The following ANKS1B variants were observed in gnomAD, a reference collection of about 807,000 sequenced individuals.
ANKS1B encodes ankyrin repeat and sterile alpha motif domain-containing protein 1B.
In ANKS1B, 36 loss-of-function variants were observed where a neutral mutation model predicts 148.3. That is an observed-to-expected ratio of 0.24 (90% CI 0.19 to 0.32). ANKS1B has a LOEUF of 0.32. Ranked by LOEUF, ANKS1B falls within the 10% of genes least tolerant of loss-of-function variation. ANKS1B has a pLI of 1.00. For synonymous variants in ANKS1B, 542 were observed against 560.8 expected, an observed-to-expected ratio of 0.97 and a Z score of 0.47; for missense variants, 1,157 against 1,542.6, an observed-to-expected ratio of 0.75 and a Z score of 4.19.
rs1252329651 is a variant in ANKS1B, at chr12:98,984,882, G to A, written c.2778+68275C>T. Reference sequence around the variant, plus strand: ...AAAAATTAGCTGGGCATGGTGGTGTGTGCCTATAGTCTCAGCTACCTGGGA... The same window carrying A: ...AAAAATTAGCTGGGCATGGTGGTGTATGCCTATAGTCTCAGCTACCTGGGA... On this transcript the variant is annotated intron_variant, in intron 17 of 26. Transcript: ENST00000683438. Among the ~76,000 whole-genome samples, 6 of 152,082 alleles carry A rather than the reference G, an allele frequency of 3.9e-5. No individual in the cohort carries two copies. In the East Asian group the frequency reaches 1.2e-3, roughly 29 times the overall value.
At chr12:99,191,794 T>C (rs1472772493) in intron 14 of ANKS1B, among the ~76,000 whole-genome samples, 2 of 152,126 alleles carry the variant, frequency 1.3e-5, no homozygotes, top group Non-Finnish European at 2.9e-5. Context: ...TATACCTATG[T>C]AACAAACCTG....
chr12:99,508,828 T>C (rs1234509987), intron 9 of ANKS1B, among the ~76,000 whole-genome samples: 1 of 151,888 alleles, frequency 6.6e-6, no homozygotes, highest in East Asian at 1.9e-4. Context: ...CATATATATG[T>C]CTATTCTAGT....
chr12:98,895,816 C>A (rs200783), intron 17 of ANKS1B, among the ~76,000 whole-genome samples: 24,357 of 152,150 alleles, frequency 0.16, 2,256 homozygotes, highest in Non-Finnish European at 0.21. Context: ...TTTTTCCCCC[C>A]AAAAATTATG....
intron 12 of ANKS1B, among the ~76,000 whole-genome samples, chr12:99,287,236 G>A (rs946313140): frequency 6.6e-6 from 1 of 152,178 alleles, no homozygotes; most frequent in African/African-American, 2.4e-5. Context: ...GGAGGAAAGC[G>A]AGAGAAGAGA....
chr12:98,797,790 GTAA>G (rs1441977026), intron 22 of ANKS1B, among the ~76,000 whole-genome samples: 2 of 152,122 alleles, frequency 1.3e-5, no homozygotes, highest in Non-Finnish European at 2.9e-5. Flanking sequence ...CTGTTTCAGT[GTAA>G]TTATATGCTC....
intron 9 of ANKS1B, among the ~76,000 whole-genome samples, chr12:99,583,143 GT>G (rs2097586598): frequency 6.6e-6 from 1 of 152,046 alleles, no homozygotes; most frequent in African/African-American, 2.4e-5. Flanking sequence ...TATGTCATTG[GT>G]TTTTTTGTTG....
intron 17 of ANKS1B, among the ~76,000 whole-genome samples, chr12:98,950,658 C>T (rs1188570151): frequency 6.6e-6 from 1 of 152,100 alleles, no homozygotes; most frequent in Non-Finnish European, 1.5e-5. Context: ...CTGATTTTAC[C>T]AATGAAAATA....
At chr12:99,085,169 G>T (rs2051210908) in intron 15 of ANKS1B, 146 bp from the exon 16 acceptor site, 1 of 669,008 alleles carries the variant, frequency 1.5e-6, no homozygotes, top group South Asian at 1.9e-5. Context: ...GAGGGTGAGG[G>T]CAGAGTCGGT....
intron 14 of ANKS1B, among the ~76,000 whole-genome samples, chr12:99,204,680 C>G (rs899140099): frequency 6.6e-6 from 1 of 152,104 alleles, no homozygotes; most frequent in Non-Finnish European, 1.5e-5. Flanking sequence ...TTTGACGATT[C>G]CCCCCTAAAA....
chr12:99,179,889 T>C (rs1380813657), intron 14 of ANKS1B, among the ~76,000 whole-genome samples: 1 of 152,250 alleles, frequency 6.6e-6, no homozygotes. Context: ...ATCAAAATTA[T>C]TTGGCATTTA....
chr12:99,801,037 T>C (rs2066885154), intron 4 of ANKS1B, among the ~76,000 whole-genome samples: 2 of 152,170 alleles, frequency 1.3e-5, no homozygotes, highest in Non-Finnish European at 2.9e-5. Context: ...TCTCCTTTTA[T>C]ATGCTCTTTG....
intron 14 of ANKS1B, among the ~76,000 whole-genome samples, chr12:99,200,685 T>TGG (rs2081975369): frequency 6.6e-6 from 1 of 152,144 alleles, no homozygotes; most frequent in Non-Finnish European, 1.5e-5. Flanking sequence ...GTTATCTCCT[T>TGG]AGCTTGTCTA....
intron 14 of ANKS1B, among the ~76,000 whole-genome samples, chr12:99,162,685 A>G (rs1228670731): frequency 6.6e-6 from 1 of 152,148 alleles, no homozygotes; most frequent in Non-Finnish European, 1.5e-5. Context: ...CGTATATGGG[A>G]GAGTATTTTT....
intron 12 of ANKS1B, among the ~76,000 whole-genome samples, chr12:99,281,274 A>C (rs1403022420): frequency 6.6e-6 from 1 of 152,234 alleles, no homozygotes; most frequent in African/African-American, 2.4e-5. Context: ...TGTAGCATTT[A>C]TTACATGCTA....
Position 99,189,150 on chromosome 12 carries a change from C to T in ANKS1B, c.2420-34755G>A, listed in dbSNP as rs150416809. 4.2e-3 allele frequency among the ~76,000 whole-genome samples: 637 copies of T among 152,182 alleles called. 23 individuals are homozygous for T. In the East Asian group the frequency reaches 0.085, roughly 20 times the overall value. On this transcript the variant is annotated intron_variant, in intron 14 of 26. Coordinates refer to ENST00000683438, the MANE Select transcript of ANKS1B (RefSeq NM_001352186.2). ...TCCCAAGCCTAAACCAGGAAGAAGT[C>T]GAATCCCTGAATAGACCAACAACAA...
chr12:98,749,528 T>A (rs1304063511), intron 26 of ANKS1B, among the ~76,000 whole-genome samples: 1 of 152,160 alleles, frequency 6.6e-6, no homozygotes, highest in Non-Finnish European at 1.5e-5. Context: ...GGTATCTATG[T>A]CAGATTGGGT....
intron 9 of ANKS1B, 148 bp from the exon 10 acceptor site, chr12:99,504,789 C>A: frequency 1.7e-6 from 1 of 602,728 alleles, no homozygotes; most frequent in South Asian, 2.6e-5. Context: ...ATTATAGAAT[C>A]ATGTAAACCC....
At chr12:99,483,082 G>A (rs749651896) in intron 10 of ANKS1B, among the ~76,000 whole-genome samples, 30 of 151,412 alleles carry the variant, frequency 2.0e-4, no homozygotes, top group Admixed American at 6.6e-4. Flanking sequence ...TCCTGTTCTC[G>A]GTGGGGGGAA....
At chr12:99,703,780 A>G (rs1403740650) in intron 8 of ANKS1B, among the ~76,000 whole-genome samples, 1 of 152,136 alleles carries the variant, frequency 6.6e-6, no homozygotes, top group Non-Finnish European at 1.5e-5. Context: ...ATGAGGCCAC[A>G]TCTTTATATT....
Sources: allele counts gnomAD v4.1 joint callset (sites outside exome capture counted in the v4.1 genomes callset), GRCh38; gene constraint gnomAD v4.1.1; transcripts MANE v1.5; gene names NCBI Gene and HGNC (gene_info 2026-07-23, HGNC 2026-07-21).